Variants in MAOA observed in about 807,000 individuals in gnomAD.
MAOA encodes monoamine oxidase A, also known as amine oxidase [flavin-containing] A.
Under a neutral mutation model 42.0 loss-of-function variants are expected in MAOA, and 6 were observed. The ratio of observed to expected loss-of-function variants is 0.14; its 90% CI spans 0.08 to 0.28. The LOEUF is 0.28. Ranked by LOEUF, MAOA falls within the 10% of genes least tolerant of loss-of-function variation. MAOA has a pLI of 1.00. For synonymous variants in MAOA, 140 were observed against 154.0 expected (o/e 0.91, Z 0.67); for missense variants, 262 against 422.3 (o/e 0.62, Z 3.33).
At chrX:43,681,876 A>AT (rs1351689406) in intron 1 of MAOA, among the ~76,000 whole-genome samples, 110 of 50,005 alleles carry the variant, frequency 2.2e-3, no homozygotes, top group East Asian at 0.011. Context: ...ATATATATAT[A>AT]TATATTTTTT....
At chrX:43,727,523 G>A (rs964412772) in intron 5 of MAOA, among the ~76,000 whole-genome samples, 7 of 112,344 alleles carry the variant, frequency 6.2e-5, no homozygotes, top group African/African-American at 1.9e-4. Flanking sequence ...CACCAAGCTC[G>A]AGCATTCCAG....
chrX:43,744,687 T>C lies in MAOA; in HGVS notation c.*174T>C. ...ACAATTCAAAGAATCACCTAATTAATTTCAGTAAGATCAAGCTCCATCTTA... is the reference window on the plus strand; with the variant it reads ...ACAATTCAAAGAATCACCTAATTAACTTCAGTAAGATCAAGCTCCATCTTA... On this transcript the variant is annotated 3_prime_UTR_variant, in exon 15 of 15. Transcript: ENST00000338702. 2.0e-6 allele frequency: 1 copy of C among 504,194 alleles called. No homozygotes were observed. The highest frequency in any genetic ancestry group is 3.4e-6 in the Non-Finnish European group (1 of 297,016). 41.6% of individuals were successfully genotyped at this position (504,194 alleles called of 1,213,427 possible).
At chrX:43,698,328 G>A (rs1382834047) in intron 3 of MAOA, among the ~76,000 whole-genome samples, 4 of 111,866 alleles carry the variant, frequency 3.6e-5, no homozygotes, top group Admixed American at 9.5e-5. Context: ...TGTTTACAGT[G>A]CAAGTTTTAG....
rs2033884631 is a variant in MAOA, at chrX:43,731,852, G to T, written c.954G>T (p.Lys318Asn). 8.3e-7 allele frequency: 1 copy of T among 1,202,042 alleles called. No homozygotes were observed. The highest frequency in any genetic ancestry group is 1.1e-6 in the Non-Finnish European group (1 of 887,789). ...ACAAGGAGGCCTTCTGGAAGAAGAA[G>T]GGTAGGCTGCTATTATTCATGTTTA... ...MYYKEAFWKK[K>N]DYCGCMIIED... Residue 318 changes from lysine (K) to asparagine (N), a missense_variant and splice_region_variant, in exon 8 of 15, where the codon AAG (lysine) becomes AAT (asparagine). Lys to Asn is a moderately conservative substitution (Grantham distance 94). Around this residue, in one of 3 missense-constraint regions of MAOA, gnomAD observed 86 missense variants for 190.3 expected, o/e 0.45. Coordinates refer to ENST00000338702, the MANE Select transcript of MAOA (RefSeq NM_000240.4).
chrX:43,656,243 C>T (rs889678833), upstream of MAOA: 18 of 762,356 alleles, frequency 2.4e-5, no homozygotes, highest in African/African-American at 4.2e-5. Flanking sequence ...AGGATCGGCT[C>T]CGCCCCCGGG....
At chrX:43,711,594 G>A (rs765864869) in intron 3 of MAOA, among the ~76,000 whole-genome samples, 1 of 111,800 alleles carries the variant, frequency 8.9e-6, no homozygotes, top group Non-Finnish European at 1.9e-5. Context: ...CTTTATTTAT[G>A]CATAATTTCC....
intron 5 of MAOA, among the ~76,000 whole-genome samples, chrX:43,722,204 C>T (rs184902962): frequency 9.0e-6 from 1 of 111,589 alleles, no homozygotes; most frequent in African/African-American, 3.3e-5. Context: ...GGGTATATAC[C>T]CAGTAATGGG....
chrX:43,713,975 G>A (rs1367353610), intron 5 of MAOA, among the ~76,000 whole-genome samples: 1 of 111,387 alleles, frequency 9.0e-6, no homozygotes. Flanking sequence ...TAAGTCATGG[G>A]GCAGGAGAAA....
chrX:43,687,099 G>A (rs1001988698), intron 2 of MAOA, among the ~76,000 whole-genome samples: 1 of 111,495 alleles, frequency 9.0e-6, no homozygotes. Context: ...GGCTGCCACA[G>A]GGTTGGTGTA....
chrX:43,699,598 T>G (rs1278254985), intron 3 of MAOA, among the ~76,000 whole-genome samples: 3 of 111,742 alleles, frequency 2.7e-5, no homozygotes, highest in African/African-American at 9.8e-5. Flanking sequence ...GTGATAAAGA[T>G]TTATTTAAAA....
At chrX:43,739,530 T>C (rs987284987) in intron 10 of MAOA, among the ~76,000 whole-genome samples, 2 of 112,235 alleles carry the variant, frequency 1.8e-5, no homozygotes, top group African/African-American at 6.5e-5. Context: ...TTCAGAGAAA[T>C]TGGGGGCATG....
Position 43,730,487 on chromosome X carries a change from CTTTTTTT to C in MAOA, c.646-738_646-732del, listed in dbSNP as rs1232538202. The stretch of plus-strand genomic sequence containing the variant: ...TTACTCAAGATCTGATATTCCGAAT[CTTTTTTT>C]TTTTTTTTTTTTTTTGAGACGGAGT... On this transcript the variant is annotated intron_variant, in intron 6 of 14. Coordinates refer to ENST00000338702, the MANE Select transcript of MAOA (RefSeq NM_000240.4). Among the ~76,000 whole-genome samples, 42 of 84,784 alleles carry C rather than the reference CTTTTTTT, an allele frequency of 5.0e-4. 1 individual carries two copies. Among genetic ancestry groups the C allele is most frequent in the African/African-American group, 1.7e-3 (39 of 23,047 alleles). 73.6% of individuals were successfully genotyped at this position (84,784 alleles called of 115,157 possible).
intron 3 of MAOA, among the ~76,000 whole-genome samples, chrX:43,705,347 G>A (rs916636761): frequency 8.9e-6 from 1 of 112,017 alleles, no homozygotes; most frequent in Non-Finnish European, 1.9e-5. Context: ...TTTGTCAAGG[G>A]TAGCAAGACA....
chrX:43,666,845 G>A (rs577781048), intron 1 of MAOA, among the ~76,000 whole-genome samples: 4 of 109,597 alleles, frequency 3.6e-5, no homozygotes, highest in Admixed American at 2.0e-4. Context: ...TGAGCACATC[G>A]GCCTTTTTCC....
At chrX:43,707,756 T>C (rs2033669008) in intron 3 of MAOA, among the ~76,000 whole-genome samples, 1 of 112,216 alleles carries the variant, frequency 8.9e-6, no homozygotes, top group African/African-American at 3.2e-5. Flanking sequence ...GGTATTCATA[T>C]AAGCTGTACA....
Position 43,745,491 on chromosome X carries a change from T to C in MAOA, c.*978T>C, listed in dbSNP as rs1010751877. The C allele has an allele frequency of 3.6e-5, 4 of 112,290 alleles. No individual in the cohort carries two copies. The highest frequency in any genetic ancestry group is 5.6e-5 in the Non-Finnish European group (3 of 53,307). The allele number at this position is 112,290 out of a possible 1,213,427, so 9.3% of individuals were successfully genotyped here. On this transcript the variant is annotated 3_prime_UTR_variant, in exon 15 of 15. Transcript: ENST00000338702. ...ACATACCTCTCAACTTACATATGTC[T>C]TCAACATGGTTACCTCTGCATAAAT...
At chrX:43,720,754 C>G (rs2033782331) in intron 5 of MAOA, among the ~76,000 whole-genome samples, 1 of 83,493 alleles carries the variant, frequency 1.2e-5, no homozygotes, top group Non-Finnish European at 2.2e-5. Flanking sequence ...GACACAGGCT[C>G]TGGAAGAGAT....
intron 3 of MAOA, among the ~76,000 whole-genome samples, chrX:43,702,284 C>G (rs891144079): frequency 1.8e-5 from 2 of 111,858 alleles, no homozygotes; most frequent in Admixed American, 9.6e-5. Flanking sequence ...TTTTGAAAAC[C>G]TGCTGGGCCA....
intron 10 of MAOA, among the ~76,000 whole-genome samples, chrX:43,739,841 A>G (rs1216100173): frequency 8.9e-6 from 1 of 112,701 alleles, no homozygotes; most frequent in Non-Finnish European, 1.9e-5. Flanking sequence ...ACCTATGCAA[A>G]CAAATCCAGA....
Sources: allele counts gnomAD v4.1 joint callset (sites outside exome capture counted in the v4.1 genomes callset), GRCh38; gene constraint gnomAD v4.1.1; regional missense constraint gnomAD v4.1.1; transcripts MANE v1.5; gene names NCBI Gene and HGNC (gene_info 2026-07-23, HGNC 2026-07-21).